The following ACAP3 variants were observed in gnomAD, a reference collection of about 807,000 sequenced individuals.
ACAP3 encodes the protein arf-GAP with coiled-coil, ANK repeat and PH domain-containing protein 3.
In ACAP3, 56 loss-of-function variants were observed where a neutral mutation model predicts 104.1. The observed-to-expected ratio is 0.54, with a 90% CI of 0.43 to 0.67. The LOEUF (loss-of-function observed/expected upper bound fraction) is 0.67, where lower values mean the gene tolerates loss of function less well. ACAP3 is among the 30% of genes least tolerant of loss of function. ACAP3 has a pLI of 0.00. For synonymous variants in ACAP3, 628 were observed against 496.2 expected (o/e 1.27, Z -3.53); for missense variants, 1,208 against 1,174.9 (o/e 1.03, Z -0.41).
intron 1 of ACAP3, 63 bp from the exon 2 acceptor site, chr1:1,304,206 C>T (rs1641581133): frequency 6.5e-7 from 1 of 1,536,482 alleles, no homozygotes. Flanking sequence ...GGCTTCACCT[C>T]CCCCCGCACC....
chr1:1,303,220 A>C lies in ACAP3; in HGVS notation c.167T>G (p.Leu56Arg). 2.5e-6 allele frequency: 4 copies of C among 1,607,484 alleles called. No homozygotes were observed. The South Asian group carries it at 4.5e-5, about 18-fold the overall frequency. Residue 56 changes from leucine to arginine, a missense_variant, in exon 3 of 24, where the codon CTT (leucine) becomes CGT (arginine). Physicochemically the swap from Leu to Arg is moderately radical, Grantham distance 102. Coordinates refer to ENST00000354700, the MANE Select transcript of ACAP3 (RefSeq NM_030649.3). This position sits in a 1 kb window ranked among gnomAD's most constrained non-coding sequence, Gnocchi z 4.0. Reference protein sequence around the residue: ...AGKAYVSTSRLFVSGVRDLSQ... With the variant: ...AGKAYVSTSRRFVSGVRDLSQ... ...CAGGTCGCGGACGCCGCTCACGAAA[A>C]GCCTGCTGGTGCTGACGTAGGCCTT...
At chr1:1,306,300 TGGA>T (rs1557612994) in intron 1 of ACAP3, among the ~76,000 whole-genome samples, 3 of 152,032 alleles carry the variant, frequency 2.0e-5, no homozygotes, top group Non-Finnish European at 1.5e-5. Flanking sequence ...GCCGTCTGCG[TGGA>T]GGAGGAGGTC....
At chr1:1,306,582 AG>A (rs1641704603) in intron 1 of ACAP3, among the ~76,000 whole-genome samples, 1 of 152,166 alleles carries the variant, frequency 6.6e-6, no homozygotes. Flanking sequence ...CCTCCTGGTG[AG>A]GGCTCCAGGG....
In ACAP3 at chr1:1,302,969, G is replaced by A. The variant is rs781358755; in HGVS notation, c.232C>T (p.Leu78=). ...TGTAGGCTGTCAGCGAACCTCTGCA[G>A]ACATTCCTGGAGGAGCAGATGGGAA... ...CQGDTVISEC[L]QRFADSLQEV... is the part of the protein sequence containing the mutation. Residue 78 remains leucine (L), a synonymous_variant, in exon 4 of 24, where the codon CTG becomes TTG. Transcript: ENST00000354700. 1.9e-6 allele frequency: 3 copies of A among 1,610,862 alleles called. No individual in the cohort carries two copies. Among genetic ancestry groups the A allele is most frequent in the Admixed American group, 1.7e-5 (1 of 59,850 alleles).
At chr1:1,295,590 G>T (rs1641096343) in intron 18 of ACAP3, 36 bp from the exon 19 acceptor site, 1 of 1,601,880 alleles carries the variant, frequency 6.2e-7, no homozygotes. Flanking sequence ...TGTGGAACAG[G>T]CCCGGGGTGG....
intron 5 of ACAP3, chr1:1,301,423 C>G (rs1185391272): frequency 2.1e-5 from 3 of 142,228 alleles, no homozygotes; most frequent in African/African-American, 8.1e-5. Context: ...CCATGCCCAT[C>G]TAATTTTTTT....
rs909568121 is a variant in ACAP3 at position 1,292,762 on chromosome 1, T to TG, written c.*801dup. The TG allele has an allele frequency of 8.5e-5, 13 of 152,218 alleles. No homozygotes were observed. The highest frequency in any genetic ancestry group is 2.9e-4 in the African/African-American group (12 of 41,414). The allele number at this position is 152,218 out of a possible 1,614,324, so 9.4% of individuals were successfully genotyped here. A position where few individuals can be genotyped will look rare whatever the true frequency, so the allele number is the denominator to read the frequency against. On this transcript the variant is annotated 3_prime_UTR_variant, in exon 24 of 24. Coordinates refer to ENST00000354700, the MANE Select transcript of ACAP3 (RefSeq NM_030649.3). Reference sequence around the variant, plus strand: ...GGGGGAGGCTGGTCAGGGGCAGGGCTGGGGCTCAGGCGTCCTCAAGAGTCC... The same window carrying TG: ...GGGGGAGGCTGGTCAGGGGCAGGGCTGGGGGCTCAGGCGTCCTCAAGAGTCC...
At chr1:1,302,181 C>T in intron 4 of ACAP3, 135 bp from the exon 5 acceptor site, 1 of 713,328 alleles carries the variant, frequency 1.4e-6, no homozygotes, top group Non-Finnish European at 2.1e-6. Flanking sequence ...CAGGGCTGGC[C>T]TCAAGGGGGT....
chr1:1,300,778 T>C (rs1641409267), intron 5 of ACAP3, 86 bp from the exon 6 acceptor site: 1 of 1,455,562 alleles, frequency 6.9e-7, no homozygotes, highest in Admixed American at 2.3e-5. Flanking sequence ...TTTGTGTGTT[T>C]TTTGTTTTTT....
At position 1,304,127 on chromosome 1, in the gene ACAP3, C is replaced by G; in HGVS notation, c.64G>C (p.Val22Leu). 1.3e-6 allele frequency: 2 copies of G among 1,550,724 alleles called. No homozygotes were observed. Among genetic ancestry groups the G allele is most frequent in the Non-Finnish European group, 1.7e-6 (2 of 1,146,880 alleles). Residue 22 changes from valine to leucine, a missense_variant, in exon 2 of 24, where the codon GTG (valine) becomes CTG (leucine). Coordinates refer to ENST00000354700, the MANE Select transcript of ACAP3 (RefSeq NM_030649.3). ...SPRFRATIDEVETDVVEIEAK... is the reference protein window; with the variant it reads ...SPRFRATIDELETDVVEIEAK... ...TCAATCTCCACCACGTCCGTCTCCACCTCGTCAATGGTCGCCCTAAAGCAA... is the reference window on the plus strand; with the variant it reads ...TCAATCTCCACCACGTCCGTCTCCAGCTCGTCAATGGTCGCCCTAAAGCAA...
At chr1:1,300,410 G>A (rs897372911) in intron 6 of ACAP3, 99 bp downstream of exon 6, 21 of 1,356,176 alleles carry the variant, frequency 1.5e-5, no homozygotes, top group South Asian at 2.8e-5. Context: ...AGCAAGAATC[G>A]TCACTCCTGC....
Position 1,303,518 on chromosome 1 carries a change from G to C in ACAP3, c.106-237C>G, listed in dbSNP as rs1641543329. ...CTCGGCTGGGAGGGACCAGGAGCCA[G>C]GCAGGGGACCCAGGGCCAGCAGGAC... is the stretch of plus-strand genomic sequence containing the variant. On this transcript the variant is annotated intron_variant, in intron 2 of 23. Coordinates refer to ENST00000354700, the MANE Select transcript of ACAP3 (RefSeq NM_030649.3). This position sits in a 1 kb window ranked among gnomAD's most constrained non-coding sequence, Gnocchi z 4.0. The C allele has an allele frequency of 1.6e-6, 1 of 624,474 alleles. No individual in the cohort carries two copies. The highest frequency in any genetic ancestry group is 2.7e-6 in the Non-Finnish European group (1 of 366,642). 38.7% of individuals were successfully genotyped at this position (624,474 alleles called of 1,614,324 possible).
chr1:1,304,626 G>T, intron 1 of ACAP3: 1 of 167,244 alleles, frequency 6.0e-6, no homozygotes, highest in South Asian at 1.4e-4. Flanking sequence ...TCTCGGTCCT[G>T]GCAGCACCAG....
intron 5 of ACAP3, among the ~76,000 whole-genome samples, chr1:1,301,218 G>A (rs903140653): frequency 7.3e-5 from 11 of 149,998 alleles, no homozygotes; most frequent in Non-Finnish European, 5.9e-5. Context: ...CTACAGGTGC[G>A]TGCCACCATA....
At chr1:1,299,733 G>T in intron 9 of ACAP3, 98 bp downstream of exon 9, 1 of 1,351,762 alleles carries the variant, frequency 7.4e-7, no homozygotes, top group Non-Finnish European at 1.0e-6. Flanking sequence ...TGGGAGACAG[G>T]CAGGAGGAAG....
In ACAP3 at chr1:1,293,720, C is replaced by G. The variant is rs528978444; in HGVS notation, c.2361-12G>C. 7.0e-7 allele frequency: 1 copy of G among 1,425,034 alleles called. No individual in the cohort carries two copies. 88.3% of individuals were successfully genotyped at this position (1,425,034 alleles called of 1,614,324 possible). ...GCGCCAGACGGAGCCTACGGGGAGG[C>G]ACAGCGTGAGACGCCCCTGCCCTGG... On this transcript the variant is annotated splice_polypyrimidine_tract_variant and intron_variant, in intron 23 of 23. Coordinates refer to ENST00000354700, the MANE Select transcript of ACAP3 (RefSeq NM_030649.3).
chr1:1,296,278 C>A lies in ACAP3; in HGVS notation c.1340G>T (p.Ser447Ile). 6.4e-7 allele frequency: 1 copy of A among 1,556,666 alleles called. No individual in the cohort carries two copies. Among genetic ancestry groups the A allele is most frequent in the Non-Finnish European group, 8.7e-7 (1 of 1,150,428 alleles). Residue 447 changes from serine (S) to isoleucine (I), a missense_variant and splice_region_variant, in exon 16 of 24, where the codon AGC (serine) becomes ATC (isoleucine). Transcript: ENST00000354700. ...LCIECSGIHR[S>I]LGVHCSKVRS... Reference sequence around the variant, plus strand: ...CACCTTGGAGCAGTGGACACCCAGGCTCCTGGAGAGCAGAGGTAGGGATGA... The same window carrying A: ...CACCTTGGAGCAGTGGACACCCAGGATCCTGGAGAGCAGAGGTAGGGATGA...
In ACAP3 at chr1:1,294,198, C is replaced by A; in HGVS notation, c.2141G>T (p.Gly714Val). The part of the protein sequence containing the change: ...KTPLVQAVLG[G>V]SLIVCEFLLQ... ...CAGGAACTCACAGACGATCAAGGAG[C>A]CCTGGGGAGCCGGGGCAACTCAGAC... The change falls in exon 22 of 24, where the codon GGC (glycine) becomes GTC (valine). Residue 714 changes from glycine to valine, a missense_variant and splice_region_variant. Transcript: ENST00000354700. The A allele has an allele frequency of 6.3e-7, 1 of 1,581,874 alleles. No individual in the cohort carries two copies.
At position 1,293,866 on chromosome 1, in the gene ACAP3, A is replaced by C; in HGVS notation, c.2317T>G (p.Leu773Val). The C allele has an allele frequency of 6.4e-7, 1 of 1,563,118 alleles. No individual in the cohort carries two copies. Among genetic ancestry groups the C allele is most frequent in the Non-Finnish European group, 8.6e-7 (1 of 1,158,872 alleles). The change falls in exon 23 of 24, where the codon TTG (leucine) becomes GTG (valine). Residue 773 changes from leucine to valine, a missense_variant. Transcript: ENST00000354700. ...TTGGCCGCCTGCACTGCGATGGCCAACGGGTCCCGCTGCTCTTGGTCCAGG... is the reference window on the plus strand; with the variant it reads ...TTGGCCGCCTGCACTGCGATGGCCACCGGGTCCCGCTGCTCTTGGTCCAGG... ...HALDQEQRDP[L>V]AIAVQAANAD... is the part of the protein sequence containing the mutation.
Sources: allele counts gnomAD v4.1 joint callset (sites outside exome capture counted in the v4.1 genomes callset), GRCh38; gene constraint gnomAD v4.1.1; non-coding constraint Gnocchi (gnomAD v3.1); transcripts MANE v1.5; gene names NCBI Gene and HGNC (gene_info 2026-07-23, HGNC 2026-07-21).